Variants in XKR4 observed in about 807,000 individuals in gnomAD.
XKR4 encodes the protein XK related 4.
A neutral mutation model predicts 53.9 loss-of-function variants in XKR4; 12 were observed. That is an observed-to-expected ratio of 0.22 (90% CI 0.14 to 0.36). The LOEUF is 0.36. Among genes scored for constraint, XKR4 ranks in the 10% least tolerant of loss-of-function variants. The probability of loss-of-function intolerance (pLI) is 1.00; values close to 1 mark genes in which losing one functional copy is unlikely to be tolerated. For missense variants in XKR4, 799 were observed against 859.5 expected (o/e 0.93, Z 0.88); for synonymous variants, 354 against 362.4 (o/e 0.98, Z 0.26).
chr8:55,390,836 G>C (rs913023379), intron 2 of XKR4, among the ~76,000 whole-genome samples: 1 of 152,140 alleles, frequency 6.6e-6, no homozygotes, highest in Non-Finnish European at 1.5e-5. Flanking sequence ...TTACCTGAGA[G>C]AGACCCAGAA....
chr8:55,473,805 TCCTTCTTTCCTC>T (rs1449563200), intron 2 of XKR4, among the ~76,000 whole-genome samples: 64 of 151,938 alleles, frequency 4.2e-4, no homozygotes, highest in African/African-American at 1.5e-3. Context: ...CTTCCTTCCT[TCCTTCTTTCCTC>T]CCTTCTTTCC....
intron 1 of XKR4, among the ~76,000 whole-genome samples, chr8:55,289,632 A>AG (rs1818960580): frequency 7.1e-6 from 1 of 141,312 alleles, no homozygotes; most frequent in Admixed American, 7.1e-5. Context: ...AAAGAAAGAA[A>AG]GAAAGAAAGA....
chr8:55,341,462 G>T (rs1318308624), intron 1 of XKR4, among the ~76,000 whole-genome samples: 1 of 152,158 alleles, frequency 6.6e-6, no homozygotes, highest in Non-Finnish European at 1.5e-5. Flanking sequence ...AGGACCACAG[G>T]CAGAGACATG....
intron 2 of XKR4, among the ~76,000 whole-genome samples, chr8:55,508,176 G>T (rs1806573982): frequency 6.6e-6 from 1 of 151,994 alleles, no homozygotes; most frequent in African/African-American, 2.4e-5. Flanking sequence ...TCCTATTAGG[G>T]ACATGTCTTG....
chr8:55,217,436 T>A lies in XKR4; in HGVS notation c.806+114142T>A, dbSNP rs1372154514. Among the ~76,000 whole-genome samples, 3 of 152,086 alleles carry A rather than the reference T, an allele frequency of 2.0e-5. No homozygotes were observed. The East Asian group carries it at 5.8e-4, about 29-fold the overall frequency. On this transcript the variant is annotated intron_variant, in intron 1 of 2. Transcript: ENST00000327381. ...TGATAATACTGAGCACTGGAGGAGA[T>A]TGGAAGCCATAAGATCTCCTACATA...
intron 1 of XKR4, among the ~76,000 whole-genome samples, chr8:55,317,272 A>G (rs1015504640): frequency 6.6e-6 from 1 of 152,226 alleles, no homozygotes; most frequent in Admixed American, 6.5e-5. Flanking sequence ...TATCTAAAGT[A>G]GCATTGAATT....
At chr8:55,274,212 A>G (rs1423016353) in intron 1 of XKR4, among the ~76,000 whole-genome samples, 1 of 152,236 alleles carries the variant, frequency 6.6e-6, no homozygotes, top group African/African-American at 2.4e-5. Context: ...TATATTACTT[A>G]CTAGGGCTGC....
At chr8:55,170,661 A>G (rs978638209) in intron 1 of XKR4, among the ~76,000 whole-genome samples, 62 of 152,208 alleles carry the variant, frequency 4.1e-4, no homozygotes, top group African/African-American at 1.5e-3. Context: ...CATGAGACAT[A>G]TGTATTCATC....
chr8:55,248,954 C>T (rs1372850182), intron 1 of XKR4, among the ~76,000 whole-genome samples: 1 of 152,132 alleles, frequency 6.6e-6, no homozygotes, highest in Admixed American at 6.5e-5. Flanking sequence ...AGATGGAATC[C>T]TCACCATCTA....
At chr8:55,161,074 G>A (rs1157475117) in intron 1 of XKR4, among the ~76,000 whole-genome samples, 1 of 152,108 alleles carries the variant, frequency 6.6e-6, no homozygotes, top group African/African-American at 2.4e-5. Context: ...CTTCGGCTTT[G>A]GTGGTTATCT....
At chr8:55,329,202 T>A (rs2129380494) in intron 1 of XKR4, among the ~76,000 whole-genome samples, 1 of 152,252 alleles carries the variant, frequency 6.6e-6, no homozygotes, top group East Asian at 1.9e-4. Flanking sequence ...TTAAATTTTG[T>A]GAAGAAAAAT....
At chr8:55,347,071 T>C (rs1803659413) in intron 1 of XKR4, among the ~76,000 whole-genome samples, 1 of 152,164 alleles carries the variant, frequency 6.6e-6, no homozygotes, top group Non-Finnish European at 1.5e-5. Flanking sequence ...ACATCCCATT[T>C]CCCCACAAGT....
chr8:55,505,466 C>T (rs1019584670), intron 2 of XKR4, among the ~76,000 whole-genome samples: 1 of 152,158 alleles, frequency 6.6e-6, no homozygotes, highest in Admixed American at 6.5e-5. Flanking sequence ...TAGGAGGATC[C>T]CTTGAGCCCA....
chr8:55,350,946 G>C (rs895320365), intron 1 of XKR4, among the ~76,000 whole-genome samples: 3 of 151,930 alleles, frequency 2.0e-5, no homozygotes, highest in African/African-American at 7.3e-5. Flanking sequence ...TCACCATGTT[G>C]GCAAGGCTGG....
chr8:55,154,617 C>T (rs1200877938), intron 1 of XKR4, among the ~76,000 whole-genome samples: 1 of 152,126 alleles, frequency 6.6e-6, no homozygotes, highest in Non-Finnish European at 1.5e-5. Context: ...ACTTTGACAA[C>T]ATTCTTTGTA....
At chr8:55,140,261 T>C in intron 1 of XKR4, 2 of 296,758 alleles carry the variant, frequency 6.7e-6, no homozygotes, top group Non-Finnish European at 1.3e-5. Flanking sequence ...CCATTTTAAC[T>C]CTTAGGAAGG....
At chr8:55,269,253 G>T (rs1174233013) in intron 1 of XKR4, among the ~76,000 whole-genome samples, 1 of 151,710 alleles carries the variant, frequency 6.6e-6, no homozygotes, top group Non-Finnish European at 1.5e-5. Flanking sequence ...TTATTTTGTG[G>T]TCTCTCTTTC....
chr8:55,397,530 G>A (rs1364726138), intron 2 of XKR4, among the ~76,000 whole-genome samples: 3 of 151,980 alleles, frequency 2.0e-5, no homozygotes, highest in African/African-American at 7.3e-5. Context: ...GTTGAATACT[G>A]TTAGTGGGCT....
intron 1 of XKR4, among the ~76,000 whole-genome samples, chr8:55,213,184 G>T (rs907768759): frequency 5.9e-5 from 9 of 152,220 alleles, no homozygotes; most frequent in African/African-American, 2.2e-4. Context: ...TTAAGATGGA[G>T]TTGCTTTGGC....
Sources: allele counts gnomAD v4.1 joint callset (sites outside exome capture counted in the v4.1 genomes callset), GRCh38; gene constraint gnomAD v4.1.1; transcripts MANE v1.5; gene names NCBI Gene and HGNC (gene_info 2026-07-23, HGNC 2026-07-21).